Variants in TRAT1 observed in about 807,000 individuals in gnomAD.
The protein encoded by TRAT1 is T-cell receptor-associated transmembrane adapter 1.
In TRAT1, 20 loss-of-function variants were observed where a neutral mutation model predicts 20.0. That is an observed-to-expected ratio of 1.00 (90% CI 0.70 to 1.45). The LOEUF is 1.45. Among genes scored for constraint, TRAT1 ranks in the 40% most tolerant of loss-of-function variants. TRAT1 has a pLI of 0.00. For synonymous variants in TRAT1, 77 were observed against 74.2 expected, an observed-to-expected ratio of 1.04 and a Z score of -0.20; for missense variants, 237 against 224.1, an observed-to-expected ratio of 1.06 and a Z score of -0.37.
At chr3:108,836,699 A>C (rs1945845399) in intron 2 of TRAT1, among the ~76,000 whole-genome samples, 1 of 152,200 alleles carries the variant, frequency 6.6e-6, no homozygotes, top group Admixed American at 6.5e-5. Flanking sequence ...TTTTACAGAA[A>C]ATATTTCATT....
chr3:108,852,241 C>T (rs1344094920), intron 5 of TRAT1, among the ~76,000 whole-genome samples: 3 of 152,088 alleles, frequency 2.0e-5, no homozygotes, highest in South Asian at 2.1e-4. Context: ...ATTAGCCAGG[C>T]GTGGTGGTGG....
At chr3:108,824,661 C>A (rs1350289127) in intron 1 of TRAT1, among the ~76,000 whole-genome samples, 1 of 152,088 alleles carries the variant, frequency 6.6e-6, no homozygotes, top group East Asian at 1.9e-4. Flanking sequence ...ATCTTAAAAC[C>A]AATTGATTAC....
At position 108,833,829 on chromosome 3, in the gene TRAT1, C is replaced by T. The variant is rs569796485; in HGVS notation, c.118+3049C>T. On this transcript the variant is annotated intron_variant, in intron 2 of 5. Coordinates refer to ENST00000295756, the MANE Select transcript of TRAT1 (RefSeq NM_016388.4). ...ACACACACACACACACACACACACA[C>T]ACATCTTTGCATAGTGCTGGGGACT... 2.7e-5 allele frequency among the ~76,000 whole-genome samples: 4 copies of T among 148,212 alleles called. No homozygotes were observed. The East Asian group carries it at 6.4e-4, about 24-fold the overall frequency.
Position 108,822,806 on chromosome 3 carries a change from T to C in TRAT1, c.-122T>C. ...TCCGAGGCACAGATAAAGATAAGTT[T>C]TACTGTCATGCTGCTTTTAACATAA... On this transcript the variant is annotated 5_prime_UTR_variant, in exon 1 of 6. Transcript: ENST00000295756. 1.4e-6 allele frequency: 1 copy of C among 737,860 alleles called. No individual in the cohort carries two copies. The highest frequency in any genetic ancestry group is 2.0e-5 in the South Asian group (1 of 50,542). The allele number at this position is 737,860 out of a possible 1,614,324, so 45.7% of individuals were successfully genotyped here.
chr3:108,824,866 A>C (rs1414727848), intron 1 of TRAT1, among the ~76,000 whole-genome samples: 2 of 152,218 alleles, frequency 1.3e-5, no homozygotes, highest in African/African-American at 2.4e-5. Context: ...GGGAAGACCA[A>C]AGACGGTGAA....
At chr3:108,825,196 T>C (rs1339598209) in intron 1 of TRAT1, among the ~76,000 whole-genome samples, 1 of 152,194 alleles carries the variant, frequency 6.6e-6, no homozygotes, top group Non-Finnish European at 1.5e-5. Context: ...TAATTATTTC[T>C]AGTTAAGTAA....
chr3:108,831,931 A>G (rs1354253804), intron 2 of TRAT1, among the ~76,000 whole-genome samples: 1 of 152,220 alleles, frequency 6.6e-6, no homozygotes, highest in Non-Finnish European at 1.5e-5. Context: ...ATTTCCTTTT[A>G]ACAGAGGAAA....
At chr3:108,846,223 A>G (rs766513443) in intron 3 of TRAT1, among the ~76,000 whole-genome samples, 2 of 152,242 alleles carry the variant, frequency 1.3e-5, no homozygotes, top group African/African-American at 2.4e-5. Context: ...TATGAGCTGC[A>G]AATACCTTAT....
At chr3:108,846,059 C>T (rs1945939249) in intron 3 of TRAT1, among the ~76,000 whole-genome samples, 1 of 152,222 alleles carries the variant, frequency 6.6e-6, no homozygotes, top group African/African-American at 2.4e-5. Context: ...TGTATAGTCT[C>T]TAGACTGTTT....
intron 2 of TRAT1, among the ~76,000 whole-genome samples, chr3:108,836,745 T>C (rs1033048714): frequency 9.9e-5 from 15 of 152,252 alleles, no homozygotes; most frequent in South Asian, 2.1e-4. Flanking sequence ...TAGGCATTAT[T>C]GTCCCTACTT....
chr3:108,843,261 G>C (rs568316821), intron 3 of TRAT1, among the ~76,000 whole-genome samples: 3 of 152,256 alleles, frequency 2.0e-5, no homozygotes, highest in African/African-American at 7.2e-5. Context: ...GCCGGGCGTG[G>C]TGGCTCACGC....
At chr3:108,823,570 T>C (rs1945711187) in intron 1 of TRAT1, among the ~76,000 whole-genome samples, 2 of 152,346 alleles carry the variant, frequency 1.3e-5, no homozygotes, top group African/African-American at 4.8e-5. Flanking sequence ...ATGCATATTA[T>C]GTAATGTGGG....
intron 3 of TRAT1, among the ~76,000 whole-genome samples, chr3:108,845,438 T>A (rs1945934091): frequency 6.6e-6 from 1 of 152,226 alleles, no homozygotes; most frequent in Non-Finnish European, 1.5e-5. Context: ...ATTATATTCT[T>A]GGCATGGAGA....
At chr3:108,826,902 C>A (rs1576517108) in intron 1 of TRAT1, among the ~76,000 whole-genome samples, 1 of 152,260 alleles carries the variant, frequency 6.6e-6, no homozygotes, top group South Asian at 2.1e-4. Flanking sequence ...AATCTGCCAG[C>A]AGAAAGACAT....
At chr3:108,825,725 C>T (rs1945732075) in intron 1 of TRAT1, among the ~76,000 whole-genome samples, 3 of 151,926 alleles carry the variant, frequency 2.0e-5, no homozygotes, top group Non-Finnish European at 4.4e-5. Flanking sequence ...CGGCACTTTC[C>T]CAGACATTTT....
chr3:108,846,499 A>G (rs755276644), intron 3 of TRAT1, among the ~76,000 whole-genome samples: 11 of 152,070 alleles, frequency 7.2e-5, no homozygotes. Context: ...TAGGTGATCA[A>G]TCATTTTATT....
intron 2 of TRAT1, among the ~76,000 whole-genome samples, chr3:108,835,822 CTTTT>C (rs905551994): frequency 6.6e-6 from 1 of 151,772 alleles, no homozygotes; most frequent in African/African-American, 2.4e-5. Flanking sequence ...CAGTTTTTGT[CTTTT>C]TTTTCTTTTA....
chr3:108,837,910 A>C (rs1038611861), intron 2 of TRAT1, among the ~76,000 whole-genome samples: 17 of 152,302 alleles, frequency 1.1e-4, no homozygotes, highest in African/African-American at 4.1e-4. Flanking sequence ...CCTTCAATTA[A>C]AGAAAATTCT....
chr3:108,843,200 T>C (rs1945910740), intron 3 of TRAT1, among the ~76,000 whole-genome samples: 2 of 152,320 alleles, frequency 1.3e-5, no homozygotes, highest in South Asian at 4.1e-4. Context: ...AAACAGACTG[T>C]ATTGTTTATA....
Sources: allele counts gnomAD v4.1 joint callset (sites outside exome capture counted in the v4.1 genomes callset), GRCh38; gene constraint gnomAD v4.1.1; transcripts MANE v1.5; gene names NCBI Gene and HGNC (gene_info 2026-07-23, HGNC 2026-07-21).